The following CEACAM18 variants were observed in gnomAD, a reference collection of about 807,000 sequenced individuals.
The protein encoded by CEACAM18 is CEA cell adhesion molecule 18.
Under a neutral mutation model 34.3 loss-of-function variants are expected in CEACAM18, and 33 were observed. The observed-to-expected ratio is 0.96, with a 90% CI of 0.73 to 1.29. The LOEUF is 1.29. CEACAM18 is among the 50% of genes most tolerant of loss of function. The pLI, the probability that CEACAM18 is intolerant of heterozygous loss-of-function variation, is 0.00. For missense variants in CEACAM18, 474 were observed against 485.0 expected (o/e 0.98, Z 0.21); for synonymous variants, 169 against 180.9 (o/e 0.93, Z 0.53).
chr19:51,485,351 T>G (rs928333088), intron 5 of CEACAM18, among the ~76,000 whole-genome samples: 1 of 152,192 alleles, frequency 6.6e-6, no homozygotes, highest in East Asian at 1.9e-4. Context: ...GGGTTTCTTC[T>G]AGCAACTTCC....
At chr19:51,486,914 G>A (rs1224782554) in intron 5 of CEACAM18, among the ~76,000 whole-genome samples, 1 of 151,062 alleles carries the variant, frequency 6.6e-6, no homozygotes, top group Non-Finnish European at 1.5e-5. Context: ...AGTAGAGACG[G>A]GGTTTCACCG....
intron 5 of CEACAM18, among the ~76,000 whole-genome samples, chr19:51,487,351 T>C (rs536154036): frequency 3.2e-4 from 48 of 152,166 alleles, no homozygotes; most frequent in Non-Finnish European, 2.2e-4. Flanking sequence ...GGAGTGCTTC[T>C]GGAGTTCCAG....
At position 51,483,311 on chromosome 19, in the gene CEACAM18, C is replaced by A; in HGVS notation, c.953+15C>A. ...GCCCCCCATGAGTGCAGCAGCTCCC[C>A]TCCAGGCTCATGCTTTGCACATCTC... On this transcript the variant is annotated intron_variant, in intron 4 of 5. Coordinates refer to ENST00000396477, the Ensembl canonical transcript of CEACAM18. The A allele has an allele frequency of 6.2e-7, 1 of 1,613,456 alleles. No individual in the cohort carries two copies. The highest frequency in any genetic ancestry group is 1.1e-5 in the South Asian group (1 of 91,024).
At chr19:51,484,020 C>A (rs1026208580) in intron 4 of CEACAM18, among the ~76,000 whole-genome samples, 1 of 152,168 alleles carries the variant, frequency 6.6e-6, no homozygotes, top group Non-Finnish European at 1.5e-5. Context: ...TCTGCTGCTG[C>A]CTATCTCCAT....
intron 4 of CEACAM18, 39 bp from the exon 5 acceptor site, chr19:51,484,948 C>A: frequency 6.5e-7 from 1 of 1,535,702 alleles, no homozygotes; most frequent in South Asian, 1.2e-5. Flanking sequence ...ATGAATGGGT[C>A]AATCGTGGTC....
Position 51,479,054 on chromosome 19 carries a change from C to T in CEACAM18, c.52+360C>T, listed in dbSNP as rs538326872. On this transcript the variant is annotated intron_variant, in intron 1 of 5. Coordinates refer to ENST00000396477, the Ensembl canonical transcript of CEACAM18. ...AGCTTGGACCTTCACCCTCACCTCC[C>T]TGCACTCACCTCCCACTGGGTGCCC... 2.6e-5 allele frequency among the ~76,000 whole-genome samples: 4 copies of T among 152,236 alleles called. No homozygotes were observed. In the South Asian group the frequency reaches 8.3e-4, roughly 32 times the overall value.
At chr19:51,488,434 G>A (rs1324339924) in intron 5 of CEACAM18, among the ~76,000 whole-genome samples, 1 of 152,236 alleles carries the variant, frequency 6.6e-6, no homozygotes, top group African/African-American at 2.4e-5. Context: ...GTAAAGCACA[G>A]ACAGGCTGAC....
intron 3 of CEACAM18, 93 bp downstream of exon 3, chr19:51,481,758 G>C: frequency 7.4e-7 from 1 of 1,355,130 alleles, no homozygotes; most frequent in Non-Finnish European, 9.9e-7. Context: ...GCTGGAGAGA[G>C]GGGGCATCCT....
At chr19:51,491,163 T>G (rs1316573241), downstream of CEACAM18, among the ~76,000 whole-genome samples, 2 of 152,038 alleles carry the variant, frequency 1.3e-5, no homozygotes, top group Admixed American at 6.5e-5. Flanking sequence ...GGATGCACCG[T>G]GGAACCATCG....
chr19:51,483,573 T>C (rs1393976828), intron 4 of CEACAM18, among the ~76,000 whole-genome samples: 1 of 138,464 alleles, frequency 7.2e-6, no homozygotes, highest in Non-Finnish European at 1.6e-5. Context: ...TTCTAACCTG[T>C]GTGACTCTCA....
At chr19:51,482,956 C>A in intron 3 of CEACAM18, 61 bp from the exon 4 acceptor site, 1 of 1,579,484 alleles carries the variant, frequency 6.3e-7, no homozygotes, top group Non-Finnish European at 8.6e-7. Context: ...GGGAGGACTT[C>A]ATGAGACGGG....
intron 4 of CEACAM18, among the ~76,000 whole-genome samples, chr19:51,484,688 C>T (rs1291192737): frequency 6.6e-6 from 1 of 152,234 alleles, no homozygotes; most frequent in African/African-American, 2.4e-5. Context: ...ACCCCCCTTC[C>T]AGTCACTGTC....
At chr19:51,481,329 G>A (rs1599942455) in intron 2 of CEACAM18, 64 bp from the exon 3 acceptor site, 2 of 1,053,516 alleles carry the variant, frequency 1.9e-6, no homozygotes, top group South Asian at 1.9e-5. Context: ...GTCCCCTGGA[G>A]AGGAGCAGAG....
intron 1 of CEACAM18, among the ~76,000 whole-genome samples, chr19:51,478,954 G>GCA (rs111652625): frequency 6.7e-6 from 1 of 149,912 alleles, no homozygotes; most frequent in East Asian, 2.0e-4. Flanking sequence ...ACACGCACAT[G>GCA]CACACACACA....
chr19:51,485,859 A>G (rs1989990759), intron 5 of CEACAM18, among the ~76,000 whole-genome samples: 1 of 152,192 alleles, frequency 6.6e-6, no homozygotes, highest in African/African-American at 2.4e-5. Flanking sequence ...ATTAGATGCT[A>G]GTGGTAACAA....
exon 4 of CEACAM18, chr19:51,483,093 A>G (rs1297580394): frequency 6.2e-7 from 1 of 1,614,020 alleles, no homozygotes; most frequent in Non-Finnish European, 8.5e-7. Context: ...TCGGCTCCCA[A>G]GTGGAAATGG....
At chr19:51,478,596 C>T (rs1217754079), upstream of CEACAM18, 1 of 1,527,230 alleles carries the variant, frequency 6.5e-7, no homozygotes, top group Non-Finnish European at 9.0e-7. Context: ...GAGGAGGTGG[C>T]TGTGTCTCTG....
rs1599942154 is a variant in CEACAM18 at position 51,480,682 on chromosome 19, T to G, written c.400+2T>G. The G allele has an allele frequency of 6.2e-7, 1 of 1,608,312 alleles. No individual in the cohort carries two copies. Among genetic ancestry groups the G allele is most frequent in the Admixed American group, 1.7e-5 (1 of 59,564 alleles). On this transcript the variant is annotated splice_donor_variant, in intron 2 of 5. Transcript: ENST00000396477. LOFTEE classifies it high-confidence loss of function. ...CAACCGGCTGGCTGGAGGTTCTAGG[T>G]GGGTTAGCAGGTGCTGTGTTTCCCA...
rs373436229 is a variant in CEACAM18, at chr19:51,483,021, G to A, written c.678G>A (p.Gly226=). 7.4e-6 allele frequency: 12 copies of A among 1,613,668 alleles called. 1 individual carries two copies. The Middle Eastern group carries it at 6.6e-4, about 89-fold the overall frequency. ...CCTCCTACCCTGTCTCTACAGATGG[G>A]CCCGACTATGTGCTGCTGAGGAGCA... The change falls in exon 4 of 6, where the codon GGG becomes GGA. Residue 226 remains glycine, a synonymous_variant. Transcript: ENST00000396477.
Sources: gnomAD v4.1 joint callset for allele counts (sites outside exome capture counted in the v4.1 genomes callset) on GRCh38, gnomAD v4.1.1 for gene constraint, MANE v1.5 for transcripts, NCBI Gene and HGNC (gene_info 2026-07-23, HGNC 2026-07-21) for gene names.